The following GRIK2 variants were observed in gnomAD, a reference collection of about 807,000 sequenced individuals.
The protein encoded by GRIK2 is glutamate receptor ionotropic, kainate 2.
Under a neutral mutation model 100.3 loss-of-function variants are expected in GRIK2, and 32 were observed. The observed-to-expected ratio is 0.32, with a 90% confidence interval of 0.24 to 0.43. The LOEUF is 0.43. Ranked by LOEUF, GRIK2 falls within the 20% of genes least tolerant of loss-of-function variation. GRIK2 has a pLI of 1.00. For synonymous variants in GRIK2, 417 were observed against 389.4 expected (o/e 1.07, Z -0.83); for missense variants, 843 against 1,114.9 (o/e 0.76, Z 3.47).
intron 7 of GRIK2, among the ~76,000 whole-genome samples, chr6:101,762,557 T>G (rs1777797967): frequency 6.6e-6 from 1 of 152,074 alleles, no homozygotes; most frequent in Non-Finnish European, 1.5e-5. Flanking sequence ...TTTTTTAAAA[T>G]TAGGTTCTTC....
Position 101,781,109 on chromosome 6 carries a change from T to G in GRIK2, c.952-18539T>G, listed in dbSNP as rs186703198. Among the ~76,000 whole-genome samples the G allele has an allele frequency of 7.9e-3, 1,196 of 152,354 alleles. 6 individuals carry two copies. The highest frequency in any genetic ancestry group is 0.017 in the Middle Eastern group (5 of 294). ...TTATTTTGTTTTTTTCTATTTACTT[T>G]ATATGTTATTTTTTCAGTTATCTTT... On this transcript the variant is annotated intron_variant, in intron 7 of 16. Coordinates refer to ENST00000369134, the MANE Select transcript of GRIK2 (RefSeq NM_021956.5).
rs532283464 is a variant in GRIK2, at chr6:101,737,578, G to A, written c.951+51225G>A. 2.6e-5 allele frequency among the ~76,000 whole-genome samples: 4 copies of A among 152,236 alleles called. No homozygotes were observed. In the South Asian group the frequency reaches 8.3e-4, roughly 32 times the overall value. On this transcript the variant is annotated intron_variant, in intron 7 of 16. Coordinates refer to ENST00000369134, the MANE Select transcript of GRIK2 (RefSeq NM_021956.5). ...GAGAGACTCGCCCCAATGATTTGAT[G>A]ATCTCTCACCAGGTCCCTCCACAAC...
chr6:101,484,340 G>A (rs1037112881), intron 2 of GRIK2, among the ~76,000 whole-genome samples: 1 of 152,152 alleles, frequency 6.6e-6, no homozygotes, highest in South Asian at 2.1e-4. Flanking sequence ...AAGCTGAAGA[G>A]AATGTTGAAT....
At chr6:101,948,804 A>G (rs1474380539) in intron 14 of GRIK2, among the ~76,000 whole-genome samples, 8 of 151,996 alleles carry the variant, frequency 5.3e-5, no homozygotes, top group Non-Finnish European at 1.0e-4. Context: ...AAACAAGAAA[A>G]CAATCAAATT....
chr6:101,893,703 C>T (rs1035037643), intron 12 of GRIK2, among the ~76,000 whole-genome samples: 3 of 151,716 alleles, frequency 2.0e-5, no homozygotes, highest in Middle Eastern at 3.4e-3. Flanking sequence ...CTAATTAGAT[C>T]CCATAAAATA....
intron 2 of GRIK2, among the ~76,000 whole-genome samples, chr6:101,491,868 CAT>C (rs917878923): frequency 9.3e-5 from 14 of 150,908 alleles, no homozygotes; most frequent in Middle Eastern, 3.5e-3. Flanking sequence ...TCATAGTTTG[CAT>C]ATATATATAT....
intron 4 of GRIK2, among the ~76,000 whole-genome samples, chr6:101,635,735 C>A (rs180865565): frequency 6.6e-5 from 10 of 152,102 alleles, no homozygotes; most frequent in East Asian, 1.9e-4. Context: ...TTGTGGCCAA[C>A]AAACATATGA....
At chr6:101,954,747 T>G (rs1306719529) in intron 14 of GRIK2, among the ~76,000 whole-genome samples, 2 of 152,182 alleles carry the variant, frequency 1.3e-5, no homozygotes, top group Non-Finnish European at 2.9e-5. Context: ...AGTATAATGT[T>G]GAATGTAAAT....
intron 2 of GRIK2, among the ~76,000 whole-genome samples, chr6:101,411,472 G>A (rs1775879881): frequency 6.6e-6 from 1 of 151,962 alleles, no homozygotes; most frequent in Non-Finnish European, 1.5e-5. Flanking sequence ...AGTTCTATGT[G>A]GTGGTTCTTA....
At chr6:101,697,677 T>C (rs550787591) in intron 7 of GRIK2, among the ~76,000 whole-genome samples, 1 of 152,126 alleles carries the variant, frequency 6.6e-6, no homozygotes, top group African/African-American at 2.4e-5. Flanking sequence ...ATTAAATATA[T>C]TCTATTTCCA....
chr6:102,004,202 A>G (rs1795090840), intron 14 of GRIK2, among the ~76,000 whole-genome samples: 1 of 148,998 alleles, frequency 6.7e-6, no homozygotes, highest in Non-Finnish European at 1.5e-5. Context: ...TTTTTCATTA[A>G]TTCTAATTTG....
rs1160148478 is a variant in GRIK2, at chr6:101,545,180, A to T, written c.116-76769A>T. On this transcript the variant is annotated intron_variant, in intron 2 of 16. Transcript: ENST00000369134. ...TTACAATATTTTTCTAGGAATATTT[A>T]GTTATGCCACTGGGGAGATGCTTAT... Among the ~76,000 whole-genome samples the T allele has an allele frequency of 2.0e-5, 3 of 152,152 alleles. No individual in the cohort carries two copies. The East Asian group carries it at 5.8e-4, about 29-fold the overall frequency.
At chr6:101,440,694 T>C (rs1011128763) in intron 2 of GRIK2, among the ~76,000 whole-genome samples, 8 of 152,106 alleles carry the variant, frequency 5.3e-5, no homozygotes, top group African/African-American at 1.9e-4. Context: ...GATGAATGGA[T>C]TCCAACAGAG....
At chr6:101,786,572 A>G (rs576541696) in intron 7 of GRIK2, among the ~76,000 whole-genome samples, 2 of 152,020 alleles carry the variant, frequency 1.3e-5, no homozygotes, top group Middle Eastern at 3.4e-3. Flanking sequence ...CCTTTATTCT[A>G]TTGGTGTGAT....
In GRIK2 at chr6:101,805,328, G is replaced by A. The variant is rs1017804143; in HGVS notation, c.1203+2890G>A. Among the ~76,000 whole-genome samples the A allele has an allele frequency of 1.9e-4, 27 of 141,920 alleles. No homozygotes were observed. In the East Asian group the frequency reaches 5.7e-3, roughly 30 times the overall value. 93.1% of individuals were successfully genotyped at this position (141,920 alleles called of 152,430 possible). A position where few individuals can be genotyped will look rare whatever the true frequency, so the allele number is the denominator to read the frequency against. On this transcript the variant is annotated intron_variant, in intron 9 of 16. Coordinates refer to ENST00000369134, the MANE Select transcript of GRIK2 (RefSeq NM_021956.5). ...TTCATCACCTTAAAAAAAAAAAAAAGTGCAGGGCAAAGGGCTGCCCTCTTG... is the reference window on the plus strand; with the variant it reads ...TTCATCACCTTAAAAAAAAAAAAAAATGCAGGGCAAAGGGCTGCCCTCTTG...
intron 11 of GRIK2, among the ~76,000 whole-genome samples, chr6:101,882,909 A>G (rs1786354719): frequency 6.6e-6 from 1 of 152,134 alleles, no homozygotes. Flanking sequence ...TAATAACTAA[A>G]ACAGTTAATC....
In GRIK2 at chr6:101,561,259, A is replaced by G. The variant is rs552089116; in HGVS notation, c.116-60690A>G. On this transcript the variant is annotated intron_variant, in intron 2 of 16. Transcript: ENST00000369134. ...GTCTTAGAGCATGTATAGAGTTTGT[A>G]ATGGGCTTAAAAGGATTCCAGTCCA... 2.0e-5 allele frequency among the ~76,000 whole-genome samples: 3 copies of G among 152,236 alleles called. No individual in the cohort carries two copies. In the East Asian group the frequency reaches 5.8e-4, roughly 29 times the overall value.
At chr6:101,586,341 C>T (rs567758859) in intron 2 of GRIK2, among the ~76,000 whole-genome samples, 5 of 152,046 alleles carry the variant, frequency 3.3e-5, no homozygotes, top group African/African-American at 1.2e-4. Flanking sequence ...TGTTTTTACA[C>T]AGCATATAAT....
rs192448717 is a variant in GRIK2 at position 101,476,846 on chromosome 6, C to T, written c.115+77454C>T. On this transcript the variant is annotated intron_variant, in intron 2 of 16. Coordinates refer to ENST00000369134, the MANE Select transcript of GRIK2 (RefSeq NM_021956.5). ...CAAGCTAAGCACTATGAATTAATTTCTTGCAATAGTTCAGGAAGAGAAAGC... is the reference window on the plus strand; with the variant it reads ...CAAGCTAAGCACTATGAATTAATTTTTTGCAATAGTTCAGGAAGAGAAAGC... Among the ~76,000 whole-genome samples, 5 of 152,226 alleles carry T rather than the reference C, an allele frequency of 3.3e-5. No homozygotes were observed. The East Asian group carries it at 5.8e-4, about 18-fold the overall frequency.
Sources: gnomAD v4.1 joint callset for allele counts (sites outside exome capture counted in the v4.1 genomes callset) on GRCh38, gnomAD v4.1.1 for gene constraint, MANE v1.5 for transcripts, NCBI Gene and HGNC (gene_info 2026-07-23, HGNC 2026-07-21) for gene names.